Variants in PCYOX1 observed in about 807,000 individuals in gnomAD.
PCYOX1 encodes prenylcysteine lyase.
PCYOX1 carries 46 observed loss-of-function variants against 46.4 expected under a neutral mutation model. The ratio of observed to expected loss-of-function variants is 0.99; its 90% CI spans 0.78 to 1.27. PCYOX1 has a LOEUF of 1.27. Among genes scored for constraint, PCYOX1 ranks in the 50% most tolerant of loss-of-function variants. The pLI, the probability that PCYOX1 is intolerant of heterozygous loss-of-function variation, is 0.00. For missense variants in PCYOX1, 658 were observed against 628.3 expected (o/e 1.05, Z -0.51); for synonymous variants, 220 against 231.8 (o/e 0.95, Z 0.46).
intron 3 of PCYOX1, among the ~76,000 whole-genome samples, chr2:70,262,670 G>A (rs1001042051): frequency 2.6e-5 from 4 of 151,524 alleles, no homozygotes; most frequent in Non-Finnish European, 4.4e-5. Context: ...TAGTAGAGAC[G>A]GGGTTTCACT....
chr2:70,258,198 C>A lies in PCYOX1; in HGVS notation c.34C>A (p.Leu12Met). The A allele has an allele frequency of 6.3e-7, 1 of 1,599,460 alleles. No individual in the cohort carries two copies. The change falls in exon 1 of 6, where the codon CTG becomes ATG. Residue 12 changes from leucine (L) to methionine (M), a missense_variant. Physicochemically the swap from Leu to Met is conservative, Grantham distance 15 (BLOSUM62 2). Coordinates refer to ENST00000433351, the MANE Select transcript of PCYOX1 (RefSeq NM_016297.4). ...CGTCGTCGCGGAGCTCGTCTCCTCG[C>A]TGCTGGGGTTGTGGCTGTTGCTGTG... Reference protein sequence around the residue: ...GRVVAELVSSLLGLWLLLCSC... With the variant: ...GRVVAELVSSMLGLWLLLCSC...
Position 70,279,898 on chromosome 2 carries a change from GGTGAAA to G in PCYOX1, c.*2507_*2512del, listed in dbSNP as rs1696745722. On this transcript the variant is annotated 3_prime_UTR_variant, in exon 6 of 6. Transcript: ENST00000433351. ...AGTTTGAGACCAGCCTGGCCAACAT[GGTGAAA>G]CCCTGTCTTTACTAAAAATACAAAA... 4 of 152,240 alleles carry G rather than the reference GGTGAAA, an allele frequency of 2.6e-5. No individual in the cohort carries two copies. Among genetic ancestry groups the G allele is most frequent in the Admixed American group, 2.6e-4 (4 of 15,284 alleles). 9.4% of individuals were successfully genotyped at this position (152,240 alleles called of 1,614,324 possible). A position where few individuals can be genotyped will look rare whatever the true frequency, so the allele number is the denominator to read the frequency against.
chr2:70,266,599 A>G (rs1473415233), intron 3 of PCYOX1, among the ~76,000 whole-genome samples: 1 of 152,046 alleles, frequency 6.6e-6, no homozygotes, highest in African/African-American at 2.4e-5. Flanking sequence ...TTTCCTAGGC[A>G]GAGGGCCCTG....
At chr2:70,270,790 G>C (rs985873785) in intron 3 of PCYOX1, among the ~76,000 whole-genome samples, 4 of 151,270 alleles carry the variant, frequency 2.6e-5, no homozygotes, top group African/African-American at 9.7e-5. Flanking sequence ...TTTCTTTTGA[G>C]ATGGAGTCTG....
intron 3 of PCYOX1, among the ~76,000 whole-genome samples, chr2:70,264,667 C>G (rs759549943): frequency 6.6e-6 from 1 of 151,588 alleles, no homozygotes; most frequent in Non-Finnish European, 1.5e-5. Flanking sequence ...TATTACAGAA[C>G]TGGGAAAAAG....
At chr2:70,272,127 T>A (rs1394982724) in intron 3 of PCYOX1, among the ~76,000 whole-genome samples, 4 of 142,942 alleles carry the variant, frequency 2.8e-5, no homozygotes, top group African/African-American at 1.0e-4. Flanking sequence ...AATTTTTAAT[T>A]TTTTTTTTTT....
intron 3 of PCYOX1, among the ~76,000 whole-genome samples, chr2:70,268,671 T>G (rs1410383612): frequency 6.6e-6 from 1 of 151,826 alleles, no homozygotes; most frequent in Admixed American, 6.6e-5. Context: ...TGGTGGTGCA[T>G]GCTTGTAATC....
At position 70,276,785 on chromosome 2, in the gene PCYOX1, G is replaced by T. The variant is rs150932770; in HGVS notation, c.911G>T (p.Arg304Leu). The stretch of plus-strand genomic sequence containing the variant: ...GTCTACCAAATTGGAACTGAGACTC[G>T]TTCAGACTTCTATGACATCGTCTTG... ...EVVYQIGTET[R>L]SDFYDIVLVA... The change falls in exon 6 of 6, where the codon CGT becomes CTT. Residue 304 changes from arginine (R) to leucine (L), a missense_variant. Transcript: ENST00000433351. 2 of 1,611,514 alleles carry T rather than the reference G, an allele frequency of 1.2e-6. No individual in the cohort carries two copies. The highest frequency in any genetic ancestry group is 3.4e-5 in the Admixed American group (2 of 59,664).
chr2:70,265,837 G>C (rs1696514904), intron 3 of PCYOX1, among the ~76,000 whole-genome samples: 1 of 152,112 alleles, frequency 6.6e-6, no homozygotes. Flanking sequence ...ACAGGGAAAG[G>C]CTTTATAAAC....
chr2:70,262,477 A>ATTTTTT (rs1425261526), intron 3 of PCYOX1, among the ~76,000 whole-genome samples: 1 of 115,064 alleles, frequency 8.7e-6, no homozygotes, highest in Admixed American at 9.1e-5. Context: ...GCATGTGCTA[A>ATTTTTT]TTTTTTTTTT....
At chr2:70,263,084 AT>A (rs1470776122) in intron 3 of PCYOX1, among the ~76,000 whole-genome samples, 1 of 151,986 alleles carries the variant, frequency 6.6e-6, no homozygotes, top group African/African-American at 2.4e-5. Context: ...AAATATAAAA[AT>A]TTAGCCGGCG....
rs1696690390 is a variant in PCYOX1, at chr2:70,277,528, A to T, written c.*136A>T. 2 of 695,674 alleles carry T rather than the reference A, an allele frequency of 2.9e-6. No individual in the cohort carries two copies. The highest frequency in any genetic ancestry group is 4.9e-6 in the Non-Finnish European group (2 of 409,242). The allele number at this position is 695,674 out of a possible 1,614,324, so 43.1% of individuals were successfully genotyped here. On this transcript the variant is annotated 3_prime_UTR_variant, in exon 6 of 6. Coordinates refer to ENST00000433351, the MANE Select transcript of PCYOX1 (RefSeq NM_016297.4). Reference sequence around the variant, plus strand: ...TTAATAAAAGTAATCCCTGCTGGTCATAGGAAAACACACGGTTCTAATTAA... The same window carrying T: ...TTAATAAAAGTAATCCCTGCTGGTCTTAGGAAAACACACGGTTCTAATTAA...
chr2:70,275,290 A>G (rs989675485), intron 4 of PCYOX1, 120 bp downstream of exon 4: 7 of 940,742 alleles, frequency 7.4e-6, no homozygotes, highest in Admixed American at 2.1e-5. Flanking sequence ...AACCTCAGAC[A>G]TTGTTAGCAA....
At chr2:70,259,769 C>A (rs562487650) in intron 2 of PCYOX1, among the ~76,000 whole-genome samples, 19 of 149,772 alleles carry the variant, frequency 1.3e-4, no homozygotes, top group African/African-American at 4.2e-4. Context: ...TCTGTATCTT[C>A]AGTTATCTGG....
At chr2:70,274,547 GTTTCTTTTCTTT>G (rs1205962321) in intron 3 of PCYOX1, among the ~76,000 whole-genome samples, 1 of 141,200 alleles carries the variant, frequency 7.1e-6, no homozygotes, top group Admixed American at 7.1e-5. Flanking sequence ...TTCTTCCTTA[GTTTCTTTTCTTT>G]TTTTTTTTCT....
At chr2:70,259,898 C>T (rs1459242822) in intron 2 of PCYOX1, among the ~76,000 whole-genome samples, 3 of 152,154 alleles carry the variant, frequency 2.0e-5, no homozygotes, top group Non-Finnish European at 4.4e-5. Flanking sequence ...TCACTGCAAC[C>T]TCTGCCTCCC....
At position 70,277,067 on chromosome 2, in the gene PCYOX1, C is replaced by T. The variant is rs756726852; in HGVS notation, c.1193C>T (p.Ser398Leu). The T allele has an allele frequency of 5.0e-6, 8 of 1,612,952 alleles. No individual in the cohort carries two copies. The highest frequency in any genetic ancestry group is 6.8e-6 in the Non-Finnish European group (8 of 1,178,878). The change falls in exon 6 of 6, where the codon TCA becomes TTA. Residue 398 changes from serine to leucine, a missense_variant. Transcript: ENST00000433351. Reference protein sequence around the residue: ...SVREKEDPEPSTDGTYVWKIF... With the variant: ...SVREKEDPEPLTDGTYVWKIF... Reference sequence around the variant, plus strand: ...AGAGAAAAGGAAGATCCTGAGCCATCAACAGATGGAACATATGTTTGGAAG... The same window carrying T: ...AGAGAAAAGGAAGATCCTGAGCCATTAACAGATGGAACATATGTTTGGAAG...
At position 70,264,753 on chromosome 2, in the gene PCYOX1, C is replaced by T. The variant is rs369756402; in HGVS notation, c.494+3367C>T. 1.7e-4 allele frequency among the ~76,000 whole-genome samples: 26 copies of T among 152,000 alleles called. No individual in the cohort carries two copies. In the East Asian group the frequency reaches 3.5e-3, roughly 20 times the overall value. On this transcript the variant is annotated intron_variant, in intron 3 of 5. Coordinates refer to ENST00000433351, the MANE Select transcript of PCYOX1 (RefSeq NM_016297.4). ...TTTACGGGCCGGGCGCGGTGGCACA[C>T]GCCTGTAATCCCAGCACTTTGGGAG...
Position 70,277,414 on chromosome 2 carries a change from CT to C in PCYOX1, c.*23del. 6.5e-7 allele frequency: 1 copy of C among 1,543,422 alleles called. No homozygotes were observed. Among genetic ancestry groups the C allele is most frequent in the Non-Finnish European group, 8.8e-7 (1 of 1,136,562 alleles). On this transcript the variant is annotated 3_prime_UTR_variant, in exon 6 of 6. Coordinates refer to ENST00000433351, the MANE Select transcript of PCYOX1 (RefSeq NM_016297.4). ...ATGAAGTGACACACTCCTTTTTCCC[CT>C]CCTAGTTCCAAATGACTATCAGTGG...
Sources: gnomAD v4.1 joint callset for allele counts (sites outside exome capture counted in the v4.1 genomes callset) on GRCh38, gnomAD v4.1.1 for gene constraint, MANE v1.5 for transcripts, NCBI Gene and HGNC (gene_info 2026-07-23, HGNC 2026-07-21) for gene names.